The following POC5 variants were observed in gnomAD, a reference collection of about 807,000 sequenced individuals.
The protein encoded by POC5 is POC5 centriolar protein.
In POC5, 48 loss-of-function variants were observed where a neutral mutation model predicts 62.9. The ratio of observed to expected loss-of-function variants is 0.76; its 90% CI spans 0.61 to 0.97. POC5 has a LOEUF of 0.97. POC5 is among the 50% of genes least tolerant of loss of function. The probability of loss-of-function intolerance (pLI) is 0.00; values close to 1 mark genes in which losing one functional copy is unlikely to be tolerated. For synonymous variants in POC5, 236 were observed against 228.2 expected (o/e 1.03, Z -0.31); for missense variants, 696 against 679.5 (o/e 1.02, Z -0.27).
rs181556937 is a variant in POC5 at position 75,696,743 on chromosome 5, G to A, written c.514-1912C>T. Among the ~76,000 whole-genome samples the A allele has an allele frequency of 4.6e-5, 7 of 152,250 alleles. No individual in the cohort carries two copies. In the East Asian group the frequency reaches 7.7e-4, roughly 17 times the overall value. On this transcript the variant is annotated intron_variant, in intron 5 of 11. Transcript: ENST00000428202. ...TTGACGAGCTGAGAAGGCTTCAGAC[G>A]ATCAAATTACTCCGAGCTACGGGAG...
chr5:75,702,844 A>G, intron 4 of POC5, 34 bp from the exon 5 acceptor site: 1 of 1,477,080 alleles, frequency 6.8e-7, no homozygotes, highest in Non-Finnish European at 9.2e-7. Flanking sequence ...TGTCAAGCCA[A>G]ATTGAAAATA....
rs746612284 is a variant in POC5, at chr5:75,685,222, A to G, written c.1392T>C (p.Ala464=). The change falls in exon 10 of 12, where the codon GCT becomes GCC. Residue 464 remains alanine (A), a synonymous_variant. Transcript: ENST00000428202. ...CTGTACTAACCATTTCTTCTGATGC[A>G]GCAGTAGCTGCAGATCCTGCACCAA... ...SALGAGSAAT[A]ASEEMYVPRV... 6.2e-7 allele frequency: 1 copy of G among 1,612,514 alleles called. No homozygotes were observed. Among genetic ancestry groups the G allele is most frequent in the East Asian group, 2.2e-5 (1 of 44,880 alleles).
chr5:75,692,351 T>G, intron 7 of POC5, 45 bp downstream of exon 7: 1 of 1,365,094 alleles, frequency 7.3e-7, no homozygotes, highest in Non-Finnish European at 1.0e-6. Flanking sequence ...ACTTCTGAAT[T>G]CAGAAGTCTA....
intron 9 of POC5, among the ~76,000 whole-genome samples, chr5:75,686,370 TG>T (rs1456415446): frequency 1.3e-5 from 2 of 152,170 alleles, no homozygotes; most frequent in Admixed American, 6.5e-5. Flanking sequence ...TATGTTTAAA[TG>T]GTTTTCTATG....
chr5:75,697,860 A>C (rs1776680778), intron 5 of POC5, among the ~76,000 whole-genome samples: 1 of 148,612 alleles, frequency 6.7e-6, no homozygotes, highest in Non-Finnish European at 1.5e-5. Flanking sequence ...TCAAAATAAA[A>C]GGATGGAGGA....
At chr5:75,712,365 A>G (rs752730851) in intron 2 of POC5, 2 of 1,577,028 alleles carry the variant, frequency 1.3e-6, no homozygotes, top group African/African-American at 1.3e-5. Flanking sequence ...CACCCTCTGT[A>G]GTTAACTGAC....
chr5:75,689,051 G>A lies in POC5; in HGVS notation c.1090C>T (p.Leu364Phe), dbSNP rs1226811303. ...AFMRGVCALN[L>F]EAMTIFQNRN... ...TTTTGAAATATAGTCATGGCTTCAAGATTTAATGCACATACACCCCTCATG... is the reference window on the plus strand; with the variant it reads ...TTTTGAAATATAGTCATGGCTTCAAAATTTAATGCACATACACCCCTCATG... The change falls in exon 9 of 12, where the codon CTT becomes TTT. Residue 364 changes from leucine to phenylalanine, a missense_variant. Physicochemically the swap from Leu to Phe is conservative, Grantham distance 22. Coordinates refer to ENST00000428202, the MANE Select transcript of POC5 (RefSeq NM_001099271.2). 4 of 1,596,032 alleles carry A rather than the reference G, an allele frequency of 2.5e-6. No individual in the cohort carries two copies. The highest frequency in any genetic ancestry group is 3.3e-4 in the Middle Eastern group (2 of 6,012).
chr5:75,697,485 A>C (rs1051745350), intron 5 of POC5, among the ~76,000 whole-genome samples: 8 of 152,232 alleles, frequency 5.3e-5, no homozygotes, highest in African/African-American at 1.4e-4. Context: ...GAAATAAAAT[A>C]CTTTACAGAC....
chr5:75,712,550 G>C (rs1392889379), intron 2 of POC5: 2 of 1,183,354 alleles, frequency 1.7e-6, no homozygotes, highest in East Asian at 2.4e-5. Flanking sequence ...ATTCATGAGA[G>C]GTAGCTAAAA....
At chr5:75,690,616 G>T in intron 7 of POC5, 54 bp from the exon 8 acceptor site, 1 of 1,328,884 alleles carries the variant, frequency 7.5e-7, no homozygotes, top group Non-Finnish European at 1.0e-6. Flanking sequence ...TAAATATATT[G>T]GTAGTAATAA....
intron 1 of POC5, among the ~76,000 whole-genome samples, chr5:75,716,965 G>A (rs1742618672): frequency 6.6e-6 from 1 of 152,180 alleles, no homozygotes; most frequent in Non-Finnish European, 1.5e-5. Flanking sequence ...TAAGCAAAAG[G>A]CCATAAGTTT....
intron 11 of POC5, among the ~76,000 whole-genome samples, chr5:75,675,553 T>A (rs990498447): frequency 4.6e-5 from 7 of 152,370 alleles, no homozygotes; most frequent in African/African-American, 1.4e-4. Context: ...GATTCCATTT[T>A]AAAAAGAACA....
rs1321231098 is a variant in POC5, at chr5:75,701,869, T to C, written c.513+736A>G. 2.0e-5 allele frequency among the ~76,000 whole-genome samples: 3 copies of C among 152,342 alleles called. No individual in the cohort carries two copies. The East Asian group carries it at 5.8e-4, about 29-fold the overall frequency. Reference sequence around the variant, plus strand: ...ACATCATAGTTGCTATAGGAGTGGCTATAAAATGAATATCCATTGCTAAAA... The same window carrying C: ...ACATCATAGTTGCTATAGGAGTGGCCATAAAATGAATATCCATTGCTAAAA... On this transcript the variant is annotated intron_variant, in intron 5 of 11. Coordinates refer to ENST00000428202, the MANE Select transcript of POC5 (RefSeq NM_001099271.2).
chr5:75,677,739 A>C, intron 11 of POC5, 35 bp downstream of exon 11: 1 of 1,505,608 alleles, frequency 6.6e-7, no homozygotes, highest in Non-Finnish European at 8.9e-7. Context: ...CAGGAAAAAG[A>C]CTTTTTGACA....
intron 6 of POC5, among the ~76,000 whole-genome samples, chr5:75,692,785 CA>C (rs981387195): frequency 1.3e-5 from 2 of 151,958 alleles, no homozygotes; most frequent in African/African-American, 4.8e-5. Context: ...TACTGACATT[CA>C]ATTCAGGTAA....
At chr5:75,700,192 T>C (rs1383884427) in intron 5 of POC5, among the ~76,000 whole-genome samples, 1 of 151,780 alleles carries the variant, frequency 6.6e-6, no homozygotes, top group Admixed American at 6.6e-5. Context: ...TACCAATGAC[T>C]TTCTTCACAG....
intron 2 of POC5, chr5:75,712,592 G>T: frequency 1.2e-6 from 1 of 866,888 alleles, no homozygotes; most frequent in Non-Finnish European, 1.8e-6. Context: ...AATGTTTCTT[G>T]AACATTTGTT....
chr5:75,681,464 T>C (rs1443697168), intron 10 of POC5, among the ~76,000 whole-genome samples: 1 of 152,150 alleles, frequency 6.6e-6, no homozygotes, highest in Non-Finnish European at 1.5e-5. Flanking sequence ...TTCAACTTTA[T>C]GAACTGCAAT....
At chr5:75,680,392 C>T (rs1300037511) in intron 10 of POC5, among the ~76,000 whole-genome samples, 1 of 152,036 alleles carries the variant, frequency 6.6e-6, no homozygotes, top group Non-Finnish European at 1.5e-5. Flanking sequence ...TCATTCAACC[C>T]AGCTCAGAAT....
Sources: gnomAD v4.1 joint callset for allele counts (sites outside exome capture counted in the v4.1 genomes callset) on GRCh38, gnomAD v4.1.1 for gene constraint, MANE v1.5 for transcripts, NCBI Gene and HGNC (gene_info 2026-07-23, HGNC 2026-07-21) for gene names.